SLC28A3: variants seen among roughly 807,000 people sequenced by gnomAD.
SLC28A3 encodes solute carrier family 28 member 3.
Under a neutral mutation model 84.2 loss-of-function variants are expected in SLC28A3, and 68 were observed. That is an observed-to-expected ratio of 0.81 (90% CI 0.66 to 0.99). The LOEUF is 0.99. Among genes scored for constraint, SLC28A3 ranks in the 50% least tolerant of loss-of-function variants. The pLI, the probability that SLC28A3 is intolerant of heterozygous loss-of-function variation, is 0.00. For missense variants in SLC28A3, 712 were observed against 841.5 expected (o/e 0.85, Z 1.90); for synonymous variants, 267 against 303.6 (o/e 0.88, Z 1.25).
Position 84,294,216 on chromosome 9 carries a change from C to G in SLC28A3, c.921G>C (p.Leu307=), listed in dbSNP as rs750436210. The part of the protein sequence containing the change: ...TVMSMLYYLG[L]MQWIIRKVGW... ...GTACCTTTCTAATAATCCACTGCATCAGTCCCAGGTAGTACAGCATGGACA... is the reference window on the plus strand; with the variant it reads ...GTACCTTTCTAATAATCCACTGCATGAGTCCCAGGTAGTACAGCATGGACA... The change falls in exon 9 of 18, where the codon CTG becomes CTC. Residue 307 remains leucine (L), a synonymous_variant. Transcript: ENST00000376238. 6.3e-5 allele frequency: 101 copies of G among 1,613,890 alleles called. No homozygotes were observed. The highest frequency in any genetic ancestry group is 8.5e-5 in the Non-Finnish European group (100 of 1,179,914).
the SLC28A3 span, among the ~76,000 whole-genome samples, chr9:84,354,558 A>G: frequency 6.6e-6 from 1 of 152,278 alleles, no homozygotes. Flanking sequence ...TTAAAAACGG[A>G]AACTCTAGGC....
chr9:84,283,439 A>G (rs1361141949), intron 14 of SLC28A3, among the ~76,000 whole-genome samples: 1 of 152,252 alleles, frequency 6.6e-6, no homozygotes, highest in Non-Finnish European at 1.5e-5. Context: ...ATAGAATACT[A>G]TGTCACAGGC....
At chr9:84,320,003 T>A (rs1484121487) in intron 1 of SLC28A3, among the ~76,000 whole-genome samples, 1 of 151,884 alleles carries the variant, frequency 6.6e-6, no homozygotes, top group Non-Finnish European at 1.5e-5. Context: ...AGCTGTACTT[T>A]TTACTTATGT....
upstream of SLC28A3, among the ~76,000 whole-genome samples, chr9:84,342,231 G>GT (rs955504519): frequency 1.3e-3 from 196 of 147,382 alleles, no homozygotes; most frequent in African/African-American, 3.7e-3. Context: ...GGCAGTTGGT[G>GT]TTTTTTTTTT....
At chr9:84,330,498 G>A (rs181552061) in intron 1 of SLC28A3, among the ~76,000 whole-genome samples, 1,873 of 152,276 alleles carry the variant, frequency 0.012, 35 homozygotes, top group African/African-American at 0.043. Context: ...TGGTTACTGA[G>A]TGCTTGAAAT....
At chr9:84,284,311 A>G (rs530790232) in intron 14 of SLC28A3, among the ~76,000 whole-genome samples, 1 of 152,330 alleles carries the variant, frequency 6.6e-6, no homozygotes, top group South Asian at 2.1e-4. Flanking sequence ...AAATCTACAG[A>G]GTCCCTGCTC....
chr9:84,332,543 A>ATATTGGAATTGGAAATATATCATAAT (rs1826829579), intron 1 of SLC28A3, among the ~76,000 whole-genome samples: 1 of 152,192 alleles, frequency 6.6e-6, no homozygotes, highest in South Asian at 2.1e-4. Flanking sequence ...ATAATTGGAA[A>ATATTGGAATTGGAAATATATCATAAT]AACCCATGAA....
At chr9:84,280,164 G>A (rs1479425718) in intron 15 of SLC28A3, 91 bp from the exon 16 acceptor site, 2 of 1,202,430 alleles carry the variant, frequency 1.7e-6, no homozygotes, top group African/African-American at 1.6e-5. Context: ...GCTGGGCTCA[G>A]GTCAGCTGAC....
intron 10 of SLC28A3, 34 bp from the exon 11 acceptor site, chr9:84,290,313 T>A: frequency 6.2e-7 from 1 of 1,611,072 alleles, no homozygotes; most frequent in Non-Finnish European, 8.5e-7. Context: ...GATTCCTTTT[T>A]AAATCTGTGT....
rs545125927 is a variant in SLC28A3 at position 84,277,205 on chromosome 9, T to G, written c.*1013A>C. 6.6e-6 allele frequency: 1 copy of G among 152,386 alleles called. No individual in the cohort carries two copies. The highest frequency in any genetic ancestry group is 1.9e-4 in the East Asian group (1 of 5,188). The allele number at this position is 152,386 out of a possible 1,614,324, so 9.4% of individuals were successfully genotyped here. A position where few individuals can be genotyped will look rare whatever the true frequency, so the allele number is the denominator to read the frequency against. The stretch of plus-strand genomic sequence containing the variant: ...GTGCAGATGAATAGGCCTACCGTTA[T>G]GGCCTACAACAGGATGGCTCCTTGA... On this transcript the variant is annotated 3_prime_UTR_variant, in exon 18 of 18. Coordinates refer to ENST00000376238, the MANE Select transcript of SLC28A3 (RefSeq NM_001199633.2).
chr9:84,350,318 T>G, the SLC28A3 span, among the ~76,000 whole-genome samples: 17 of 152,094 alleles, frequency 1.1e-4, no homozygotes, highest in Non-Finnish European at 1.9e-4. Flanking sequence ...GGTGCATGCC[T>G]GTAATCCCAG....
chr9:84,295,975 C>A (rs1825399246), intron 8 of SLC28A3, among the ~76,000 whole-genome samples: 1 of 152,168 alleles, frequency 6.6e-6, no homozygotes, highest in Non-Finnish European at 1.5e-5. Flanking sequence ...TTCCTGAAAG[C>A]TTGAGGGAGT....
intron 12 of SLC28A3, among the ~76,000 whole-genome samples, chr9:84,286,980 G>C (rs1425721919): frequency 6.6e-6 from 1 of 152,144 alleles, no homozygotes; most frequent in Middle Eastern, 3.2e-3. Flanking sequence ...GAGGCAGGTA[G>C]ATTGCTTGAG....
In SLC28A3 at chr9:84,275,611, G is replaced by T. The variant is rs1401293426; in HGVS notation, c.*2607C>A. Reference sequence around the variant, plus strand: ...GCCTCCAGCTTCTATGTCTACTAAAGAGGAATAAAAACATCACCATGCACC... The same window carrying T: ...GCCTCCAGCTTCTATGTCTACTAAATAGGAATAAAAACATCACCATGCACC... On this transcript the variant is annotated 3_prime_UTR_variant, in exon 18 of 18. Coordinates refer to ENST00000376238, the MANE Select transcript of SLC28A3 (RefSeq NM_001199633.2). 6.6e-6 allele frequency: 1 copy of T among 152,206 alleles called. No homozygotes were observed. The highest frequency in any genetic ancestry group is 2.4e-5 in the African/African-American group (1 of 41,444). The allele number at this position is 152,206 out of a possible 1,614,324, so 9.4% of individuals were successfully genotyped here.
At chr9:84,336,230 G>A (rs149238484) in intron 1 of SLC28A3, among the ~76,000 whole-genome samples, 98 of 151,982 alleles carry the variant, frequency 6.4e-4, no homozygotes, top group African/African-American at 2.2e-3. Context: ...GGTCGGGCAC[G>A]GTGGCTCACG....
intron 2 of SLC28A3, among the ~76,000 whole-genome samples, chr9:84,310,179 A>G (rs1421838561): frequency 1.3e-5 from 2 of 152,200 alleles, no homozygotes; most frequent in African/African-American, 4.8e-5. Flanking sequence ...GAATATGAAC[A>G]CTAGCTTGGC....
chr9:84,284,303 A>C (rs1273628413), intron 14 of SLC28A3, among the ~76,000 whole-genome samples: 5 of 152,200 alleles, frequency 3.3e-5, no homozygotes, highest in Non-Finnish European at 1.5e-5. Context: ...GAACAGGGAA[A>C]TCTACAGAGT....
intron 13 of SLC28A3, 108 bp downstream of exon 13, chr9:84,285,835 T>G (rs1256219612): frequency 1.6e-6 from 2 of 1,256,122 alleles, no homozygotes; most frequent in Non-Finnish European, 2.2e-6. Context: ...GCTTCTACGG[T>G]GTGGAAGAGT....
At chr9:84,350,356 C>T in the SLC28A3 span, among the ~76,000 whole-genome samples, 10 of 152,106 alleles carry the variant, frequency 6.6e-5, no homozygotes, top group Middle Eastern at 3.4e-3. Flanking sequence ...GCAGGGGAAT[C>T]GCTTGAACCA....
Sources: gnomAD v4.1 joint callset for allele counts (sites outside exome capture counted in the v4.1 genomes callset) on GRCh38, gnomAD v4.1.1 for gene constraint, MANE v1.5 for transcripts, NCBI Gene and HGNC (gene_info 2026-07-23, HGNC 2026-07-21) for gene names.